The following ZNF142 variants were observed in gnomAD, a reference collection of about 807,000 sequenced individuals.
ZNF142 encodes zinc finger protein 142, also known as zinc finger protein 142 (clone pHZ-49).
In ZNF142, 96 loss-of-function variants were observed where a neutral mutation model predicts 132.1. The ratio of observed to expected loss-of-function variants is 0.73; its 90% CI spans 0.62 to 0.86. ZNF142 has a LOEUF of 0.86. ZNF142 is among the 40% of genes least tolerant of loss of function. ZNF142 has a pLI of 0.00. For missense variants in ZNF142, 2,163 were observed against 2,336.2 expected (o/e 0.93, Z 1.53); for synonymous variants, 842 against 890.1 (o/e 0.95, Z 0.96).
Position 218,638,724 on chromosome 2 carries a change from C to A in ZNF142, c.5279G>T (p.Arg1760Leu). ...CTCACACATGAAAGCCCGTGCTTCT[C>A]GATGCCGGGTCTCCTGGTGCACACG... ...ALRVHQETRH[R>L]EARAFMCEQC... The change falls in exon 11 of 11, where the codon CGA becomes CTA. Residue 1760 changes from arginine (R) to leucine (L), a missense_variant. Arg to Leu is a moderately radical substitution (Grantham distance 102). Transcript: ENST00000411696. 2 of 1,613,804 alleles carry A rather than the reference C, an allele frequency of 1.2e-6. No individual in the cohort carries two copies. The highest frequency in any genetic ancestry group is 1.7e-6 in the Non-Finnish European group (2 of 1,180,038).
chr2:218,644,293 G>C lies in ZNF142; in HGVS notation c.2823C>G (p.Ser941Arg). ...PDGLEGPELS[S>R]FEGIGTSDLS... ...AGTCAGAAGTCCCAATACCTTCAAAGCTAGATAGCTCTGGTCCTTCCAGTC... is the reference window on the plus strand; with the variant it reads ...AGTCAGAAGTCCCAATACCTTCAAACCTAGATAGCTCTGGTCCTTCCAGTC... Residue 941 changes from serine to arginine, a missense_variant, in exon 9 of 11, where the codon AGC becomes AGG. Around this residue, in one of 7 missense-constraint regions of ZNF142, gnomAD observed 749 missense variants for 830.3 expected, o/e 0.90. Transcript: ENST00000411696. The surrounding 1 kb of genome is among the most constrained non-coding windows in gnomAD (Gnocchi z 4.6). The C allele has an allele frequency of 1.9e-6, 3 of 1,614,134 alleles. No individual in the cohort carries two copies. Among genetic ancestry groups the C allele is most frequent in the Non-Finnish European group, 2.5e-6 (3 of 1,180,014 alleles).
In ZNF142 at chr2:218,642,977, C is replaced by T. The variant is rs758096450; in HGVS notation, c.4139G>A (p.Cys1380Tyr). 1.9e-6 allele frequency: 3 copies of T among 1,612,956 alleles called. No individual in the cohort carries two copies. Among genetic ancestry groups the T allele is most frequent in the Non-Finnish European group, 2.5e-6 (3 of 1,179,650 alleles). The change falls in exon 9 of 11, where the codon TGT becomes TAT. Residue 1380 changes from cysteine (C) to tyrosine (Y), a missense_variant. Cys to Tyr is a radical substitution (Grantham distance 194, BLOSUM62 -2). This residue lies in a region of ZNF142 where 809 missense variants were observed against 801.7 expected (regional missense o/e 1.01). Transcript: ENST00000411696. This position sits in a 1 kb window ranked among gnomAD's most constrained non-coding sequence, Gnocchi z 4.6. ...HLQCGDCGFTCKQSRCMQQHR... is the reference protein window; with the variant it reads ...HLQCGDCGFTYKQSRCMQQHR... ...CTGCTGCATGCAACGGCTCTGTTTA[C>T]AGGTGAAGCCACAGTCCCCACACTG...
In ZNF142 at chr2:218,638,310, T is replaced by G. The variant is rs903285561; in HGVS notation, c.*29A>C. The G allele has an allele frequency of 6.7e-7, 1 of 1,488,824 alleles. No homozygotes were observed. Among genetic ancestry groups the G allele is most frequent in the African/African-American group, 1.4e-5 (1 of 71,096 alleles). The allele number at this position is 1,488,824 out of a possible 1,614,324, so 92.2% of individuals were successfully genotyped here. A position where few individuals can be genotyped will look rare whatever the true frequency, so the allele number is the denominator to read the frequency against. ...AGTCTGCACATCTCAGACCATACCCTCTTCCTATACAGGAGGTGGGGCAGG... is the reference window on the plus strand; with the variant it reads ...AGTCTGCACATCTCAGACCATACCCGCTTCCTATACAGGAGGTGGGGCAGG... On this transcript the variant is annotated 3_prime_UTR_variant, in exon 11 of 11. Coordinates refer to ENST00000411696, the MANE Select transcript of ZNF142 (RefSeq NM_001379659.1).
At position 218,642,692 on chromosome 2, in the gene ZNF142, T is replaced by C; in HGVS notation, c.4424A>G (p.His1475Arg). The change falls in exon 9 of 11, where the codon CAT becomes CGT. Residue 1475 changes from histidine (H) to arginine (R), a missense_variant. Coordinates refer to ENST00000411696, the MANE Select transcript of ZNF142 (RefSeq NM_001379659.1). This position sits in a 1 kb window ranked among gnomAD's most constrained non-coding sequence, Gnocchi z 4.6. ...SGYLRHDITR[H>R]VNSCHQGTPA... is the part of the protein sequence containing the mutation. The stretch of plus-strand genomic sequence containing the variant: ...GGTGCCTTGGTGGCAGCTGTTGACA[T>C]GACGAGTGATGTCATGGCGAAGGTA... 8 of 1,614,052 alleles carry C rather than the reference T, an allele frequency of 5.0e-6. 1 individual carries two copies. Among genetic ancestry groups the C allele is most frequent in the Non-Finnish European group, 6.8e-6 (8 of 1,180,016 alleles).
intron 7 of ZNF142, among the ~76,000 whole-genome samples, chr2:218,647,345 C>T (rs980283595): frequency 2.9e-5 from 4 of 138,432 alleles, no homozygotes; most frequent in African/African-American, 5.2e-5. Flanking sequence ...ATGGCGTGAA[C>T]CCAGGAGGTG....
chr2:218,645,132 ATACT>A (rs1697625371), intron 8 of ZNF142, 68 bp from the exon 9 acceptor site: 3 of 1,550,720 alleles, frequency 1.9e-6, no homozygotes, highest in Admixed American at 3.4e-5. Flanking sequence ...CAGTCAGTAA[ATACT>A]TACTGTGGGC....
rs530267386 is a variant in ZNF142, at chr2:218,656,990, G to T, written c.-34-527C>A. ...TGCCACACACGCCCAGGTAAATTTT[G>T]TATTTTTAACAGCGATGGAGTTTCA... is the stretch of plus-strand genomic sequence containing the variant. On this transcript the variant is annotated intron_variant, in intron 3 of 10. Transcript: ENST00000411696. Among the ~76,000 whole-genome samples the T allele has an allele frequency of 7.2e-5, 11 of 152,118 alleles. 1 individual carries two copies. The East Asian group carries it at 2.1e-3, about 29-fold the overall frequency.
chr2:218,634,552 C>T lies in ZNF142; in HGVS notation c.*3787G>A, dbSNP rs1696599713. On this transcript the variant is annotated 3_prime_UTR_variant, in exon 11 of 11. Coordinates refer to ENST00000411696, the MANE Select transcript of ZNF142 (RefSeq NM_001379659.1). This position sits in a 1 kb window ranked among gnomAD's most constrained non-coding sequence, Gnocchi z 4.0. ...GCTGTGGCTATGTGCTGAAGCCAGA[C>T]TTCCTGCGTGATATCCAGAGTTCTT... 6.2e-7 allele frequency: 1 copy of T among 1,614,070 alleles called. No homozygotes were observed. The highest frequency in any genetic ancestry group is 1.1e-5 in the South Asian group (1 of 91,092).
intron 4 of ZNF142, 131 bp downstream of exon 4, chr2:218,656,019 T>C (rs1283612545): frequency 8.3e-7 from 1 of 1,207,690 alleles, no homozygotes; most frequent in African/African-American, 1.6e-5. Flanking sequence ...GCAAACCAAA[T>C]GACAACATCT....
Position 218,656,286 on chromosome 2 carries a change from G to A in ZNF142, c.144C>T (p.Asp48=), listed in dbSNP as rs1335725333. Residue 48 remains aspartate (D), a synonymous_variant, in exon 4 of 11, where the codon GAC becomes GAT. Transcript: ENST00000411696. ...CTGGCTCAGTAGGTATAGGTGCAGG[G>A]TCCCGGGAAGGACAGGGGCTCTGGA... The part of the protein sequence containing the change: ...GPVQSPCPSR[D]PAPIPTEPGC... The A allele has an allele frequency of 1.2e-6, 2 of 1,612,960 alleles. No individual in the cohort carries two copies. Among genetic ancestry groups the A allele is most frequent in the South Asian group, 1.1e-5 (1 of 90,692 alleles).
intron 3 of ZNF142, among the ~76,000 whole-genome samples, chr2:218,658,004 T>C (rs959471028): frequency 1.3e-5 from 2 of 152,228 alleles, no homozygotes; most frequent in African/African-American, 2.4e-5. Context: ...GCTAGGTATC[T>C]TGTACAAAAC....
At chr2:218,655,106 CA>C (rs1363375249) in intron 4 of ZNF142, among the ~76,000 whole-genome samples, 2 of 152,018 alleles carry the variant, frequency 1.3e-5, no homozygotes, top group Non-Finnish European at 2.9e-5. Context: ...CCCCCAAAAC[CA>C]AAAGAAAACA....
chr2:218,645,057 A>G lies in ZNF142; in HGVS notation c.2059T>C (p.Cys687Arg). 6.2e-7 allele frequency: 1 copy of G among 1,606,384 alleles called. No homozygotes were observed. Among genetic ancestry groups the G allele is most frequent in the Non-Finnish European group, 8.5e-7 (1 of 1,173,970 alleles). Residue 687 changes from cysteine (C) to arginine (R), a missense_variant, in exon 9 of 11, where the codon TGC becomes CGC. Cys to Arg is a radical substitution (Grantham distance 180). Transcript: ENST00000411696. The stretch of plus-strand genomic sequence containing the variant: ...TGACAGCGATAGGAGCACTGGTTGC[A>G]CTGATACCTGGCAAGGAGGGAAAGG... ...RKHAGDLRYQ[C>R]NQCSYRCHRA...
In ZNF142 at chr2:218,643,822, G is replaced by C; in HGVS notation, c.3294C>G (p.Gly1098=). The change falls in exon 9 of 11, where the codon GGC becomes GGG. Residue 1098 remains glycine, a synonymous_variant. Transcript: ENST00000411696. ...KCPVLLRKNK[G]LPRPDSPIPL... is the part of the protein sequence containing the mutation. ...GGATGGGTGAATCTGGTCTGGGCAA[G>C]CCCTTGTTCTTTCTGAGTAGAACAG... 6.2e-7 allele frequency: 1 copy of C among 1,613,104 alleles called. No individual in the cohort carries two copies. The highest frequency in any genetic ancestry group is 1.7e-5 in the Admixed American group (1 of 59,944).
intron 10 of ZNF142, 40 bp from the exon 11 acceptor site, chr2:218,638,848 A>G (rs1171231518): frequency 6.6e-7 from 1 of 1,507,384 alleles, no homozygotes; most frequent in Non-Finnish European, 8.9e-7. Context: ...AAGGCGGTGG[A>G]GCAAGGTTTA....
intron 7 of ZNF142, among the ~76,000 whole-genome samples, chr2:218,647,106 C>T (rs1474996915): frequency 1.3e-5 from 2 of 152,094 alleles, no homozygotes; most frequent in African/African-American, 4.8e-5. Flanking sequence ...GTGACTAGCA[C>T]TCTTCTGAGC....
chr2:218,651,626 AAAC>A, intron 5 of ZNF142, 72 bp downstream of exon 5: 2 of 1,199,098 alleles, frequency 1.7e-6, no homozygotes, highest in African/African-American at 1.6e-5. Context: ...ATGGCCTTGG[AAAC>A]AACTGCCTCT....
chr2:218,636,299 G>T lies in ZNF142; in HGVS notation c.*2040C>A, dbSNP rs755113711. 1.2e-6 allele frequency: 2 copies of T among 1,613,920 alleles called. No individual in the cohort carries two copies. Among genetic ancestry groups the T allele is most frequent in the Non-Finnish European group, 1.7e-6 (2 of 1,179,906 alleles). On this transcript the variant is annotated 3_prime_UTR_variant, in exon 11 of 11. Transcript: ENST00000411696. ...TTTCCGGGTGCTGGTGCCTGAACTT[G>T]CCATGCTGCGTTTTGTGGTAATGGA...
intron 3 of ZNF142, among the ~76,000 whole-genome samples, chr2:218,658,458 T>C (rs936487355): frequency 1.4e-4 from 21 of 151,868 alleles, no homozygotes; most frequent in Non-Finnish European, 2.8e-4. Flanking sequence ...GGAGAATCGC[T>C]GGAACCCGGG....
Sources: allele counts gnomAD v4.1 joint callset (sites outside exome capture counted in the v4.1 genomes callset), GRCh38; gene constraint gnomAD v4.1.1; regional missense constraint gnomAD v4.1.1; non-coding constraint Gnocchi (gnomAD v3.1); transcripts MANE v1.5; gene names NCBI Gene and HGNC (gene_info 2026-07-23, HGNC 2026-07-21).